FOCAD: variants seen among roughly 807,000 people sequenced by gnomAD.
The protein encoded by FOCAD is KIAA1797.
A neutral mutation model predicts 225.6 loss-of-function variants in FOCAD; 198 were observed. The ratio of observed to expected loss-of-function variants is 0.88; its 90% confidence interval spans 0.78 to 0.99. The LOEUF (loss-of-function observed/expected upper bound fraction) is 0.99. FOCAD is among the 50% of genes least tolerant of loss of function. The pLI is 0.00. For missense variants in FOCAD, 2,713 were observed against 2,123.6 expected (o/e 1.28, Z -5.46); for synonymous variants, 897 against 755.0 (o/e 1.19, Z -3.08).
chr9:20,885,306 G>A (rs974407903), intron 21 of FOCAD, 76 bp downstream of exon 21: 1 of 1,289,448 alleles, frequency 7.8e-7, no homozygotes, highest in South Asian at 3.0e-5. Context: ...TGTTTGTTTA[G>A]AAATAATTTT....
chr9:20,766,678 T>G (rs951276949), intron 7 of FOCAD, among the ~76,000 whole-genome samples: 6 of 152,060 alleles, frequency 3.9e-5, no homozygotes, highest in African/African-American at 1.4e-4. Context: ...TCCTTATTTT[T>G]TTCTTCACTT....
At chr9:20,875,084 T>C in intron 19 of FOCAD, 1 of 357,034 alleles carries the variant, frequency 2.8e-6, no homozygotes, top group South Asian at 3.5e-5. Context: ...AGGCTAAATG[T>C]ATTCCACAAG....
At chr9:20,845,855 G>A (rs1236538344) in intron 15 of FOCAD, among the ~76,000 whole-genome samples, 1 of 152,106 alleles carries the variant, frequency 6.6e-6, no homozygotes, top group Non-Finnish European at 1.5e-5. Flanking sequence ...TGTAGTAAAT[G>A]TGAACTGTGT....
rs1821433383 is a variant in FOCAD at position 20,798,766 on chromosome 9, C to G, written c.1455+9158C>G. Among the ~76,000 whole-genome samples, 5 of 152,090 alleles carry G rather than the reference C, an allele frequency of 3.3e-5. No individual in the cohort carries two copies. The Middle Eastern group carries it at 0.014, about 414-fold the overall frequency. ...CTTCTTTATTAATCTTGCTAGTGGT[C>G]TATCAGTTTTGTTGATCTTTTCAAA... On this transcript the variant is annotated intron_variant, in intron 11 of 43. Coordinates refer to ENST00000338382, the MANE Select transcript of FOCAD (RefSeq NM_001375567.1).
intron 15 of FOCAD, among the ~76,000 whole-genome samples, chr9:20,840,768 T>C (rs759490953): frequency 1.3e-5 from 2 of 152,008 alleles, no homozygotes; most frequent in Admixed American, 6.6e-5. Flanking sequence ...TGAATAACAC[T>C]AGTGAAAATG....
chr9:20,926,760 G>A (rs1032745120), intron 26 of FOCAD, among the ~76,000 whole-genome samples: 3 of 148,166 alleles, frequency 2.0e-5, no homozygotes, highest in Non-Finnish European at 4.4e-5. Context: ...TGCAGCCTAG[G>A]CAACAAGAGA....
At chr9:20,750,880 TTTTGCCTTTACAGGG>T (rs1828477547) in intron 5 of FOCAD, among the ~76,000 whole-genome samples, 1 of 152,154 alleles carries the variant, frequency 6.6e-6, no homozygotes, top group Admixed American at 6.6e-5. Flanking sequence ...CTTTAATACT[TTTTGCCTTTACAGGG>T]TTTGTTTGCA....
chr9:20,696,612 T>C (rs886322502), intron 1 of FOCAD, among the ~76,000 whole-genome samples: 2 of 152,134 alleles, frequency 1.3e-5, no homozygotes, highest in African/African-American at 4.8e-5. Flanking sequence ...GAGACCAGCC[T>C]GGGCAACATG....
chr9:20,915,446 C>A (rs1309642335), intron 23 of FOCAD, among the ~76,000 whole-genome samples: 2 of 152,092 alleles, frequency 1.3e-5, no homozygotes, highest in East Asian at 1.9e-4. Context: ...TAAGGAGCAA[C>A]CAACTGTGTC....
chr9:20,861,554 A>G (rs1366497892), intron 15 of FOCAD, among the ~76,000 whole-genome samples: 2 of 152,162 alleles, frequency 1.3e-5, no homozygotes, highest in African/African-American at 2.4e-5. Flanking sequence ...ACTGAATCCA[A>G]GTTTTCTCAG....
intron 15 of FOCAD, among the ~76,000 whole-genome samples, chr9:20,839,664 A>C (rs1826321679): frequency 6.6e-6 from 1 of 151,624 alleles, no homozygotes; most frequent in South Asian, 2.1e-4. Context: ...TTTTATTTTT[A>C]ATGTTTATGG....
chr9:20,658,692 G>T, exon 2 of FOCAD: 1 of 157,566 alleles, frequency 6.3e-6, no homozygotes, highest in Non-Finnish European at 1.4e-5. Context: ...ACTCCCTAGT[G>T]AGATGAACTC....
At position 20,873,027 on chromosome 9, in the gene FOCAD, G is replaced by A. The variant is rs1829929675; in HGVS notation, c.2191-1654G>A. ...TTTTTATGGCTGGATAATATTTCATGGTATGGATTTATACTATATTTTGTT... is the reference window on the plus strand; with the variant it reads ...TTTTTATGGCTGGATAATATTTCATAGTATGGATTTATACTATATTTTGTT... On this transcript the variant is annotated intron_variant, in intron 18 of 43. Coordinates refer to ENST00000338382, the MANE Select transcript of FOCAD (RefSeq NM_001375567.1). Among the ~76,000 whole-genome samples, 6 of 152,140 alleles carry A rather than the reference G, an allele frequency of 3.9e-5. No homozygotes were observed. In the South Asian group the frequency reaches 1.2e-3, roughly 32 times the overall value.
At chr9:20,970,884 A>T (rs563671172) in intron 35 of FOCAD, among the ~76,000 whole-genome samples, 1 of 152,350 alleles carries the variant, frequency 6.6e-6, no homozygotes, top group East Asian at 1.9e-4. Flanking sequence ...GACATTAAGC[A>T]TTAATGTCAC....
At chr9:20,905,094 GCATTT>G (rs1319211547) in intron 21 of FOCAD, among the ~76,000 whole-genome samples, 1 of 151,956 alleles carries the variant, frequency 6.6e-6, no homozygotes, top group East Asian at 1.9e-4. Context: ...GCAAGAAAGT[GCATTT>G]TTAAAGAGAT....
chr9:20,732,985 A>G (rs1480147947), intron 4 of FOCAD, among the ~76,000 whole-genome samples: 1 of 152,168 alleles, frequency 6.6e-6, no homozygotes, highest in Non-Finnish European at 1.5e-5. Context: ...TGAAGTGGAA[A>G]TGTCTAGTAG....
At chr9:20,691,014 C>T (rs1417301695) in intron 1 of FOCAD, among the ~76,000 whole-genome samples, 2 of 152,004 alleles carry the variant, frequency 1.3e-5, no homozygotes, top group African/African-American at 4.8e-5. Context: ...GTGACCTCGG[C>T]TCACTGCAAC....
At chr9:20,721,547 C>T (rs1012401617) in intron 4 of FOCAD, among the ~76,000 whole-genome samples, 4 of 151,958 alleles carry the variant, frequency 2.6e-5, no homozygotes, top group African/African-American at 9.7e-5. Flanking sequence ...ACTAAAAATA[C>T]AAAAATTAGC....
chr9:20,768,169 T>C (rs1029120644), intron 7 of FOCAD, among the ~76,000 whole-genome samples: 1 of 148,786 alleles, frequency 6.7e-6, no homozygotes, highest in African/African-American at 2.5e-5. Flanking sequence ...GGCTCTGTTC[T>C]GTTCCATTGA....
Sources: gnomAD v4.1 joint callset for allele counts (sites outside exome capture counted in the v4.1 genomes callset) on GRCh38, gnomAD v4.1.1 for gene constraint, MANE v1.5 for transcripts, NCBI Gene and HGNC (gene_info 2026-07-23, HGNC 2026-07-21) for gene names.